Variants in RPS6KC1 observed in about 807,000 individuals in gnomAD.
RPS6KC1 encodes the protein inactive ribosomal protein S6 kinase delta-1.
RPS6KC1 carries 54 observed loss-of-function variants against 103.8 expected under a neutral mutation model. The observed-to-expected ratio is 0.52, with a 90% CI of 0.42 to 0.65. The LOEUF (loss-of-function observed/expected upper bound fraction) is 0.65. RPS6KC1 is among the 30% of genes least tolerant of loss of function. The pLI is 0.00. For synonymous variants in RPS6KC1, 439 were observed against 438.7 expected, an observed-to-expected ratio of 1.00 and a Z score of -0.01; for missense variants, 1,151 against 1,253.8, an observed-to-expected ratio of 0.92 and a Z score of 1.24.
the RPS6KC1 span, among the ~76,000 whole-genome samples, chr1:213,415,510 T>C: frequency 9.8e-5 from 15 of 152,286 alleles, no homozygotes; most frequent in Middle Eastern, 0.01. Context: ...AGGACTGGGA[T>C]TGGGGACAAG....
At chr1:213,463,437 G>T in the RPS6KC1 span, among the ~76,000 whole-genome samples, 1 of 152,292 alleles carries the variant, frequency 6.6e-6, no homozygotes, top group East Asian at 1.9e-4. Flanking sequence ...GTAGACTCAT[G>T]TACAGTTTTA....
At chr1:213,652,365 G>GCCTTTACTT in the RPS6KC1 span, among the ~76,000 whole-genome samples, 1 of 152,168 alleles carries the variant, frequency 6.6e-6, no homozygotes, top group Non-Finnish European at 1.5e-5. Flanking sequence ...AAAGGAACTT[G>GCCTTTACTT]CCTGTTGTTT....
intron 3 of RPS6KC1, among the ~76,000 whole-genome samples, chr1:213,082,347 C>T (rs970026990): frequency 6.6e-6 from 1 of 152,128 alleles, no homozygotes; most frequent in Non-Finnish European, 1.5e-5. Context: ...AGGAGAATGG[C>T]ATGAACCTGG....
At chr1:213,642,420 C>G in the RPS6KC1 span, among the ~76,000 whole-genome samples, 2 of 152,118 alleles carry the variant, frequency 1.3e-5, no homozygotes, top group East Asian at 3.9e-4. Flanking sequence ...GACTGAGCAT[C>G]TTTTGTTATT....
At chr1:213,095,955 A>G (rs1405823010) in intron 3 of RPS6KC1, among the ~76,000 whole-genome samples, 3 of 152,198 alleles carry the variant, frequency 2.0e-5, no homozygotes, top group African/African-American at 4.8e-5. Context: ...TTAAAATAAG[A>G]CAACGATGAG....
At chr1:213,152,541 A>T (rs1449755886) in intron 6 of RPS6KC1, among the ~76,000 whole-genome samples, 5 of 127,468 alleles carry the variant, frequency 3.9e-5, no homozygotes, top group African/African-American at 6.2e-5. Flanking sequence ...CCGGGTAGAG[A>T]TGCTCCTCAC....
At chr1:213,361,805 C>G in the RPS6KC1 span, among the ~76,000 whole-genome samples, 1 of 152,190 alleles carries the variant, frequency 6.6e-6, no homozygotes, top group Non-Finnish European at 1.5e-5. Context: ...GCGTTTTCTT[C>G]TCTACTGCAA....
the RPS6KC1 span, among the ~76,000 whole-genome samples, chr1:213,860,485 G>C: frequency 6.6e-6 from 1 of 152,062 alleles, no homozygotes; most frequent in Non-Finnish European, 1.5e-5. Flanking sequence ...TTCTTCTTGA[G>C]TGGAAGTAGG....
At chr1:213,070,965 T>G in intron 1 of RPS6KC1, 41 bp from the exon 2 acceptor site, 1 of 1,259,882 alleles carries the variant, frequency 7.9e-7, no homozygotes, top group Non-Finnish European at 1.1e-6. Context: ...AATCTTAAAT[T>G]TTGATAATGA....
the RPS6KC1 span, among the ~76,000 whole-genome samples, chr1:213,774,454 C>A: frequency 6.6e-6 from 1 of 152,136 alleles, no homozygotes; most frequent in Non-Finnish European, 1.5e-5. Flanking sequence ...GGGGCCCTAC[C>A]CCAAGGACTT....
At chr1:213,594,319 A>C in the RPS6KC1 span, among the ~76,000 whole-genome samples, 3,203 of 152,324 alleles carry the variant, frequency 0.021, 121 homozygotes, top group African/African-American at 0.072. Context: ...TTAGCGCAAA[A>C]AGGGGTAAAA....
chr1:213,728,467 A>G, the RPS6KC1 span, among the ~76,000 whole-genome samples: 2 of 152,202 alleles, frequency 1.3e-5, no homozygotes, highest in South Asian at 2.1e-4. Context: ...AACAAGAGCT[A>G]GTCTTTATAA....
chr1:213,550,025 G>C, the RPS6KC1 span, among the ~76,000 whole-genome samples: 1 of 152,100 alleles, frequency 6.6e-6, no homozygotes, highest in Non-Finnish European at 1.5e-5. Flanking sequence ...GCACATGAGA[G>C]CCTGAATGTC....
chr1:213,171,303 T>G (rs536590125), intron 7 of RPS6KC1, among the ~76,000 whole-genome samples: 1 of 152,078 alleles, frequency 6.6e-6, no homozygotes, highest in African/African-American at 2.4e-5. Context: ...GAAATGAGGT[T>G]TTTTTTAAAG....
At chr1:213,328,459 A>G in the RPS6KC1 span, among the ~76,000 whole-genome samples, 29 of 142,926 alleles carry the variant, frequency 2.0e-4, no homozygotes, top group South Asian at 3.1e-3. Flanking sequence ...TCCTGAATTC[A>G]TCGTCTGTGT....
chr1:213,510,817 A>C, the RPS6KC1 span, among the ~76,000 whole-genome samples: 1 of 152,148 alleles, frequency 6.6e-6, no homozygotes. Context: ...TATACTATAT[A>C]AGCCCTTATT....
At chr1:213,797,135 A>G in the RPS6KC1 span, among the ~76,000 whole-genome samples, 3 of 152,226 alleles carry the variant, frequency 2.0e-5, no homozygotes, top group Non-Finnish European at 4.4e-5. Context: ...AGAGGAAGAA[A>G]CCATAAAACA....
chr1:213,368,896 G>A, the RPS6KC1 span, among the ~76,000 whole-genome samples: 1 of 152,198 alleles, frequency 6.6e-6, no homozygotes, highest in East Asian at 1.9e-4. Context: ...GATGAAGTAG[G>A]AGTTATTAAT....
At chr1:213,471,595 C>T in the RPS6KC1 span, among the ~76,000 whole-genome samples, 1 of 152,072 alleles carries the variant, frequency 6.6e-6, no homozygotes. Flanking sequence ...CCAAATGTTT[C>T]CCTTTTCTAA....
Sources: gnomAD v4.1 joint callset for allele counts (sites outside exome capture counted in the v4.1 genomes callset) on GRCh38, gnomAD v4.1.1 for gene constraint, MANE v1.5 for transcripts, NCBI Gene and HGNC (gene_info 2026-07-23, HGNC 2026-07-21) for gene names.